The following P2RY14 variants were observed in gnomAD, a reference collection of about 807,000 sequenced individuals.
P2RY14 encodes the protein P2Y purinoceptor 14.
A neutral mutation model predicts 0.9 loss-of-function variants in P2RY14; 2 were observed. The ratio of observed to expected loss-of-function variants is 2.16; its 90% CI spans 0.88 to 6.79. The LOEUF is 6.79. Ranked by LOEUF, P2RY14 falls within the 30% of genes most tolerant of loss-of-function variation. The pLI, the probability that P2RY14 is intolerant of heterozygous loss-of-function variation, is 0.05. For missense variants in P2RY14, 378 were observed against 400.1 expected, an observed-to-expected ratio of 0.94 and a Z score of 0.47; for synonymous variants, 158 against 147.2, an observed-to-expected ratio of 1.07 and a Z score of -0.53.
chr3:151,236,392 G>C (rs890634159), intron 1 of P2RY14, among the ~76,000 whole-genome samples: 1 of 152,102 alleles, frequency 6.6e-6, no homozygotes, highest in African/African-American at 2.4e-5. Flanking sequence ...CATAATTCTT[G>C]ATTCAGGAAG....
intron 1 of P2RY14, among the ~76,000 whole-genome samples, chr3:151,235,426 C>A (rs1439863990): frequency 6.6e-6 from 1 of 152,086 alleles, no homozygotes; most frequent in Non-Finnish European, 1.5e-5. Context: ...CAACTCATGG[C>A]CTGGCATGGT....
At chr3:151,226,760 TC>T (rs1349839765) in intron 1 of P2RY14, among the ~76,000 whole-genome samples, 3 of 152,222 alleles carry the variant, frequency 2.0e-5, no homozygotes, top group African/African-American at 7.2e-5. Context: ...ATAGAGAACC[TC>T]CTTTTGATTT....
chr3:151,271,323 C>T (rs1740900061), intron 1 of P2RY14, among the ~76,000 whole-genome samples: 1 of 152,154 alleles, frequency 6.6e-6, no homozygotes, highest in African/African-American at 2.4e-5. Flanking sequence ...GTAGTACTTT[C>T]ACCCATTAGA....
Position 151,247,962 on chromosome 3 carries a change from C to CTTTTTTTTTTTT in P2RY14, c.-132-28332_-132-28321dup, listed in dbSNP as rs61102632. On this transcript the variant is annotated intron_variant, in intron 1 of 2. Transcript: ENST00000309170. The stretch of plus-strand genomic sequence containing the variant: ...GTTTACTTTCTTTCTTCTTCTTCTT[C>CTTTTTTTTTTTT]TTTTTTTTTTTTTTTTTTTTTTTGC... 5.4e-4 allele frequency among the ~76,000 whole-genome samples: 41 copies of CTTTTTTTTTTTT among 75,896 alleles called. 1 individual carries two copies. Among genetic ancestry groups the CTTTTTTTTTTTT allele is most frequent in the African/African-American group, 8.6e-4 (16 of 18,694 alleles). The allele number at this position is 75,896 out of a possible 152,430, so 49.8% of individuals were successfully genotyped here.
intron 1 of P2RY14, among the ~76,000 whole-genome samples, chr3:151,271,202 G>A (rs762377678): frequency 1.3e-4 from 20 of 152,074 alleles, no homozygotes; most frequent in Non-Finnish European, 2.5e-4. Context: ...TAAAAAAAAT[G>A]CTGAAAAGAT....
chr3:151,216,430 G>A (rs1728233762), intron 2 of P2RY14, among the ~76,000 whole-genome samples: 2 of 152,174 alleles, frequency 1.3e-5, no homozygotes, highest in South Asian at 2.1e-4. Context: ...TATGGAATAT[G>A]AAATACAGTC....
intron 1 of P2RY14, 36 bp downstream of exon 1, chr3:151,278,251 C>T (rs1053813648): frequency 3.9e-5 from 6 of 152,234 alleles, no homozygotes; most frequent in African/African-American, 1.4e-4. Context: ...CATTCACATA[C>T]ATGCAAGTCA....
At position 151,214,088 on chromosome 3, in the gene P2RY14, TGAAAG is replaced by T. The variant is rs1727699264; in HGVS notation, c.224_228del (p.Pro75GlnfsTer5). ...CCAAGGCCTGAGTCACCAAGGATCT[TGAAAG>T]GAAAAGTCAGGCTCATCACAAAGTC... On this transcript the variant is annotated frameshift_variant, in exon 3 of 3. Transcript: ENST00000309170. LOFTEE classifies it low-confidence loss of function (END_TRUNC). 2 of 1,614,088 alleles carry T rather than the reference TGAAAG, an allele frequency of 1.2e-6. No individual in the cohort carries two copies. Among genetic ancestry groups the T allele is most frequent in the African/African-American group, 1.3e-5 (1 of 75,018 alleles).
intron 2 of P2RY14, among the ~76,000 whole-genome samples, chr3:151,214,574 C>T (rs1197392872): frequency 6.6e-6 from 1 of 150,504 alleles, no homozygotes; most frequent in Admixed American, 6.6e-5. Context: ...CACCAACCCC[C>T]ACTCCTTTCT....
At chr3:151,240,373 CT>C (rs1392129711) in intron 1 of P2RY14, among the ~76,000 whole-genome samples, 2 of 152,182 alleles carry the variant, frequency 1.3e-5, no homozygotes, top group African/African-American at 4.8e-5. Flanking sequence ...GGATTTTACA[CT>C]TTTATCCTAA....
Position 151,278,323 on chromosome 3 carries a change from A to C in P2RY14, c.-169T>G, listed in dbSNP as rs1164249032. On this transcript the variant is annotated 5_prime_UTR_variant, in exon 1 of 3. Coordinates refer to ENST00000309170, the MANE Select transcript of P2RY14 (RefSeq NM_014879.4). Reference sequence around the variant, plus strand: ...CCTTCATCTGTGAGAGTCATGCTTCACTCATTTTGAAATACCTCTCATTGT... The same window carrying C: ...CCTTCATCTGTGAGAGTCATGCTTCCCTCATTTTGAAATACCTCTCATTGT... 6.6e-6 allele frequency: 1 copy of C among 152,066 alleles called. No individual in the cohort carries two copies. The highest frequency in any genetic ancestry group is 1.5e-5 in the Non-Finnish European group (1 of 68,020). The allele number at this position is 152,066 out of a possible 1,614,324, so 9.4% of individuals were successfully genotyped here. A position where few individuals can be genotyped will look rare whatever the true frequency, so the allele number is the denominator to read the frequency against.
At chr3:151,222,677 A>G (rs1200787746) in intron 1 of P2RY14, among the ~76,000 whole-genome samples, 2 of 152,206 alleles carry the variant, frequency 1.3e-5, no homozygotes, top group African/African-American at 2.4e-5. Context: ...TAAATTGCCC[A>G]TTCTCAAATA....
intron 1 of P2RY14, among the ~76,000 whole-genome samples, chr3:151,242,041 C>A (rs1352420245): frequency 1.3e-5 from 2 of 152,190 alleles, no homozygotes; most frequent in Non-Finnish European, 2.9e-5. Context: ...GGGTCACTCC[C>A]ACCCGAATAC....
At chr3:151,270,440 G>GA (rs1029471077) in intron 1 of P2RY14, among the ~76,000 whole-genome samples, 3 of 151,996 alleles carry the variant, frequency 2.0e-5, no homozygotes, top group African/African-American at 7.3e-5. Context: ...ACTCTCTGGG[G>GA]AAAAAAGAAA....
intron 1 of P2RY14, among the ~76,000 whole-genome samples, chr3:151,276,740 T>C (rs1741922834): frequency 6.6e-6 from 1 of 152,168 alleles, no homozygotes; most frequent in African/African-American, 2.4e-5. Context: ...GTGGCCTTGC[T>C]CAGGATAGTC....
At chr3:151,217,296 G>A (rs1728425966) in intron 2 of P2RY14, among the ~76,000 whole-genome samples, 1 of 152,134 alleles carries the variant, frequency 6.6e-6, no homozygotes, top group Admixed American at 6.5e-5. Context: ...TCAGAGTCTT[G>A]TGTCTTTTGT....
chr3:151,238,038 A>G lies in P2RY14; in HGVS notation c.-132-18396T>C, dbSNP rs570042247. On this transcript the variant is annotated intron_variant, in intron 1 of 2. Transcript: ENST00000309170. Reference sequence around the variant, plus strand: ...ATATTTCAAGAAGCAAAATTTACCAATTTTAAGGATCAAATTATCGTTTTT... The same window carrying G: ...ATATTTCAAGAAGCAAAATTTACCAGTTTTAAGGATCAAATTATCGTTTTT... Among the ~76,000 whole-genome samples, 25 of 152,314 alleles carry G rather than the reference A, an allele frequency of 1.6e-4. No homozygotes were observed. In the South Asian group the frequency reaches 5.0e-3, roughly 30 times the overall value.
At chr3:151,245,314 C>T (rs1223701512) in intron 1 of P2RY14, among the ~76,000 whole-genome samples, 1 of 151,230 alleles carries the variant, frequency 6.6e-6, no homozygotes, top group Non-Finnish European at 1.5e-5. Flanking sequence ...GAGACACAAC[C>T]AACAAAGAGA....
chr3:151,262,749 A>G lies in P2RY14; in HGVS notation c.-133+15538T>C, dbSNP rs1739137393. On this transcript the variant is annotated intron_variant, in intron 1 of 2. Transcript: ENST00000309170. Reference sequence around the variant, plus strand: ...CACTAGGAAGATAACAGGAATAATAATAATACCTAAGACTTACTGAGTTTT... The same window carrying G: ...CACTAGGAAGATAACAGGAATAATAGTAATACCTAAGACTTACTGAGTTTT... 2.3e-5 allele frequency among the ~76,000 whole-genome samples: 3 copies of G among 129,924 alleles called. No homozygotes were observed. The South Asian group carries it at 7.9e-4, about 34-fold the overall frequency. 85.2% of individuals were successfully genotyped at this position (129,924 alleles called of 152,430 possible). A position where few individuals can be genotyped will look rare whatever the true frequency, so the allele number is the denominator to read the frequency against.
Sources: allele counts gnomAD v4.1 joint callset (sites outside exome capture counted in the v4.1 genomes callset), GRCh38; gene constraint gnomAD v4.1.1; transcripts MANE v1.5; gene names NCBI Gene and HGNC (gene_info 2026-07-23, HGNC 2026-07-21).